SNX24: variants seen among roughly 807,000 people sequenced by gnomAD.
The protein encoded by SNX24 is sorting nexin 24.
A neutral mutation model predicts 28.7 loss-of-function variants in SNX24; 22 were observed. The ratio of observed to expected loss-of-function variants is 0.77; its 90% CI spans 0.55 to 1.10. The LOEUF is 1.10. SNX24 is among the 50% of genes least tolerant of loss of function. The pLI is 0.00. For synonymous variants in SNX24, 69 were observed against 71.5 expected (o/e 0.96, Z 0.18); for missense variants, 221 against 201.1 (o/e 1.10, Z -0.60).
At chr5:122,973,736 G>T (rs956915077) in intron 3 of SNX24, among the ~76,000 whole-genome samples, 17 of 152,230 alleles carry the variant, frequency 1.1e-4, no homozygotes, top group Admixed American at 4.6e-4. Flanking sequence ...TGCATGGTAA[G>T]TTGGCAACCC....
At chr5:123,005,918 T>C (rs1346913993) in intron 6 of SNX24, among the ~76,000 whole-genome samples, 2 of 152,180 alleles carry the variant, frequency 1.3e-5, no homozygotes, top group African/African-American at 4.8e-5. Flanking sequence ...AAAAATCAAG[T>C]GTCATCAACC....
At chr5:122,963,512 G>A (rs1380163160) in intron 3 of SNX24, among the ~76,000 whole-genome samples, 1 of 152,136 alleles carries the variant, frequency 6.6e-6, no homozygotes, top group Non-Finnish European at 1.5e-5. Flanking sequence ...CCCTGAGTTG[G>A]CATTATATTT....
intron 1 of SNX24, among the ~76,000 whole-genome samples, chr5:122,879,761 T>C (rs1756393299): frequency 6.6e-6 from 1 of 152,220 alleles, no homozygotes. Context: ...GCTCAAGTGA[T>C]CGTCCTGCCT....
intron 1 of SNX24, among the ~76,000 whole-genome samples, chr5:122,855,433 C>T (rs1755138678): frequency 6.6e-6 from 1 of 152,162 alleles, no homozygotes; most frequent in African/African-American, 2.4e-5. Context: ...AAACATTTCT[C>T]TGTAGCATGT....
In SNX24 at chr5:122,918,034, C is replaced by T. The variant is rs183097713; in HGVS notation, c.61-18700C>T. On this transcript the variant is annotated intron_variant, in intron 1 of 6. Transcript: ENST00000261369. ...GGCAGAGCTTGCAGTGAGCTGAGAT[C>T]GTGCCACTGCACTCCAGCCTGGGCG... Among the ~76,000 whole-genome samples, 92 of 152,138 alleles carry T rather than the reference C, an allele frequency of 6.0e-4. 1 individual carries two copies. Among genetic ancestry groups the T allele is most frequent in the African/African-American group, 2.1e-3 (87 of 41,496 alleles).
chr5:122,970,514 G>T (rs1323595859), intron 3 of SNX24, among the ~76,000 whole-genome samples: 1 of 152,186 alleles, frequency 6.6e-6, no homozygotes, highest in Admixed American at 6.5e-5. Context: ...TGTCGCCCAG[G>T]CTGGAGTGCA....
intron 1 of SNX24, among the ~76,000 whole-genome samples, chr5:122,884,555 T>G (rs1450475522): frequency 6.6e-6 from 1 of 151,940 alleles, no homozygotes; most frequent in Non-Finnish European, 1.5e-5. Flanking sequence ...CCAGCCTGTT[T>G]CTTTATCACA....
At chr5:122,853,348 C>T (rs1163667224) in intron 1 of SNX24, among the ~76,000 whole-genome samples, 3 of 151,900 alleles carry the variant, frequency 2.0e-5, no homozygotes, top group Admixed American at 6.6e-5. Flanking sequence ...AGGATGGTCT[C>T]GATCTCCTGA....
intron 1 of SNX24, among the ~76,000 whole-genome samples, chr5:122,898,810 C>T (rs1757313619): frequency 6.6e-6 from 1 of 152,196 alleles, no homozygotes; most frequent in African/African-American, 2.4e-5. Context: ...CTGCAGGTAA[C>T]TAACATGCAG....
At chr5:122,876,918 G>T (rs1329186580) in intron 1 of SNX24, among the ~76,000 whole-genome samples, 2 of 152,182 alleles carry the variant, frequency 1.3e-5, no homozygotes, top group East Asian at 1.9e-4. Context: ...TATCATGGAC[G>T]ATAGAAAGGG....
intron 3 of SNX24, among the ~76,000 whole-genome samples, chr5:122,977,113 G>C (rs1284854555): frequency 6.6e-6 from 1 of 152,172 alleles, no homozygotes; most frequent in Non-Finnish European, 1.5e-5. Context: ...GAAGGTGTGG[G>C]TTGGTGTACT....
chr5:123,019,703 G>A (rs572322909), intron 5 of SNX24, among the ~76,000 whole-genome samples: 64 of 152,332 alleles, frequency 4.2e-4, no homozygotes, highest in Admixed American at 7.8e-4. Flanking sequence ...TTTGGGCTTG[G>A]TGGTGGTGTC....
intron 1 of SNX24, among the ~76,000 whole-genome samples, chr5:122,860,943 A>G (rs1264529694): frequency 6.6e-6 from 1 of 152,154 alleles, no homozygotes; most frequent in East Asian, 1.9e-4. Context: ...TCATAGTAGG[A>G]AAATGTCATC....
At chr5:122,855,778 A>T (rs1033336081) in intron 1 of SNX24, among the ~76,000 whole-genome samples, 1 of 152,134 alleles carries the variant, frequency 6.6e-6, no homozygotes, top group Non-Finnish European at 1.5e-5. Flanking sequence ...CCCTTCCTTA[A>T]GAAGCAACTT....
At chr5:122,994,611 G>T (rs1761984970) in intron 3 of SNX24, among the ~76,000 whole-genome samples, 1 of 152,198 alleles carries the variant, frequency 6.6e-6, no homozygotes, top group Admixed American at 6.5e-5. Context: ...GTTACATGAT[G>T]ATAATTGTAC....
chr5:122,984,507 T>C (rs1312246668), intron 3 of SNX24, among the ~76,000 whole-genome samples: 2 of 152,320 alleles, frequency 1.3e-5, no homozygotes, highest in South Asian at 2.1e-4. Context: ...CTGTTTAATG[T>C]AATTAGTTTC....
At chr5:122,846,748 T>G (rs1237113616) in intron 1 of SNX24, among the ~76,000 whole-genome samples, 1 of 152,046 alleles carries the variant, frequency 6.6e-6, no homozygotes, top group East Asian at 1.9e-4. Flanking sequence ...AGTCGGTGGG[T>G]TTTTAGAATT....
intron 3 of SNX24, among the ~76,000 whole-genome samples, chr5:122,981,051 C>T (rs1486678455): frequency 6.6e-6 from 1 of 152,134 alleles, no homozygotes; most frequent in African/African-American, 2.4e-5. Flanking sequence ...GCTCCCAGCA[C>T]TCCATTTGCA....
chr5:122,906,941 A>T (rs1228904082), intron 1 of SNX24, among the ~76,000 whole-genome samples: 2 of 152,098 alleles, frequency 1.3e-5, no homozygotes, highest in Non-Finnish European at 2.9e-5. Flanking sequence ...CATGCAGCTT[A>T]CTCTGCTTGT....
Sources: gnomAD v4.1 joint callset for allele counts (sites outside exome capture counted in the v4.1 genomes callset) on GRCh38, gnomAD v4.1.1 for gene constraint, MANE v1.5 for transcripts, NCBI Gene and HGNC (gene_info 2026-07-23, HGNC 2026-07-21) for gene names.